ASAP2: variants seen among roughly 807,000 people sequenced by gnomAD.
ASAP2 encodes ArfGAP with SH3 domain, ankyrin repeat and PH domain 2, also known as arf-GAP with SH3 domain, ANK repeat and PH domain-containing protein 2.
In ASAP2, 45 loss-of-function variants were observed where a neutral mutation model predicts 131.4. The ratio of observed to expected loss-of-function variants is 0.34; its 90% confidence interval spans 0.27 to 0.44. The LOEUF (loss-of-function observed/expected upper bound fraction) is 0.44. Ranked by LOEUF, ASAP2 falls within the 20% of genes least tolerant of loss-of-function variation. The pLI, the probability that ASAP2 is intolerant of heterozygous loss-of-function variation, is 1.00. For missense variants in ASAP2, 1,011 were observed against 1,297.0 expected (o/e 0.78, Z 3.39); for synonymous variants, 510 against 503.0 (o/e 1.01, Z -0.19).
rs375002980 is a variant in ASAP2 at position 9,380,726 on chromosome 2, G to A, written c.1949-15G>A. The A allele has an allele frequency of 3.0e-5, 49 of 1,613,864 alleles. No individual in the cohort carries two copies. The African/African-American group carries it at 5.6e-4, about 18-fold the overall frequency. On this transcript the variant is annotated splice_polypyrimidine_tract_variant and intron_variant, in intron 19 of 27. Transcript: ENST00000281419. ...TTTTGCCTTAACGCCTCCTTTGCTCGCCCTTGAATTTTAGCAAACGAGTCA... is the reference window on the plus strand; with the variant it reads ...TTTTGCCTTAACGCCTCCTTTGCTCACCCTTGAATTTTAGCAAACGAGTCA...
At chr2:9,396,612 G>A (rs1270808227) in intron 24 of ASAP2, among the ~76,000 whole-genome samples, 1 of 152,076 alleles carries the variant, frequency 6.6e-6, no homozygotes, top group Non-Finnish European at 1.5e-5. Context: ...CCTTTTCCTT[G>A]GAAAGAAATG....
intron 20 of ASAP2, among the ~76,000 whole-genome samples, chr2:9,382,794 G>A (rs1273178238): frequency 4.6e-5 from 7 of 152,212 alleles, no homozygotes; most frequent in Non-Finnish European, 1.0e-4. Flanking sequence ...CAAAGGTGTG[G>A]GGTTCTCCCC....
intron 9 of ASAP2, 108 bp from the exon 10 acceptor site, chr2:9,344,424 G>A (rs1671811228): frequency 1.3e-6 from 1 of 794,942 alleles, no homozygotes; most frequent in Non-Finnish European, 1.9e-6. Flanking sequence ...TCCAATTTTT[G>A]TTGTTGTTAA....
At chr2:9,317,168 TCACCACACTCA>T (rs1296708226) in intron 3 of ASAP2, among the ~76,000 whole-genome samples, 1,961 of 100,686 alleles carry the variant, frequency 0.019, 33 homozygotes, top group African/African-American at 0.068. Context: ...ATCCACACTC[TCACCACACTCA>T]ACACACACCC....
chr2:9,219,757 A>G (rs1260454048), intron 1 of ASAP2, among the ~76,000 whole-genome samples: 3 of 152,230 alleles, frequency 2.0e-5, no homozygotes, highest in Admixed American at 6.5e-5. Context: ...TGTCCAACTA[A>G]GAGGTTTTTA....
Position 9,350,614 on chromosome 2 carries a change from C to T in ASAP2, c.1024-194C>T. ...AGGTGCCCTTGCAGGGAGGCAGTTG[C>T]CCTCTGTGGAGATGAAGTTCAAAGG... On this transcript the variant is annotated intron_variant, in intron 11 of 27. Coordinates refer to ENST00000281419, the MANE Select transcript of ASAP2 (RefSeq NM_003887.3). The T allele has an allele frequency of 1.9e-5, 9 of 485,342 alleles. 1 individual carries two copies. Among genetic ancestry groups the T allele is most frequent in the South Asian group, 4.2e-5 (1 of 23,538 alleles). The allele number at this position is 485,342 out of a possible 1,614,324, so 30.1% of individuals were successfully genotyped here. A position where few individuals can be genotyped will look rare whatever the true frequency, so the allele number is the denominator to read the frequency against.
intron 1 of ASAP2, among the ~76,000 whole-genome samples, chr2:9,258,987 A>G (rs2709589): frequency 0.54 from 81,731 of 151,932 alleles, 23,863 homozygotes; most frequent in African/African-American, 0.77. Flanking sequence ...GGGCCAGACC[A>G]GGACCCTGGG....
intron 1 of ASAP2, among the ~76,000 whole-genome samples, chr2:9,259,807 G>GAGAT (rs1218245740): frequency 6.6e-6 from 1 of 152,214 alleles, no homozygotes; most frequent in Non-Finnish European, 1.5e-5. Context: ...CTGCACATCT[G>GAGAT]GGGCCAGGGA....
At chr2:9,291,357 C>G (rs1667795672) in intron 2 of ASAP2, among the ~76,000 whole-genome samples, 1 of 152,344 alleles carries the variant, frequency 6.6e-6, no homozygotes, top group South Asian at 2.1e-4. Flanking sequence ...AAATGGTTCT[C>G]TCTCACGAGA....
rs1667096736 is a variant in ASAP2 at position 9,281,003 on chromosome 2, ACT to A, written c.199+1617_199+1618del. Among the ~76,000 whole-genome samples, 1 of 152,090 alleles carries A rather than the reference ACT, an allele frequency of 6.6e-6. No homozygotes were observed. Among genetic ancestry groups the A allele is most frequent in the East Asian group, 1.9e-4 (1 of 5,190 alleles). On this transcript the variant is annotated intron_variant, in intron 2 of 27. Coordinates refer to ENST00000281419, the MANE Select transcript of ASAP2 (RefSeq NM_003887.3). This position sits in a 1 kb window ranked among gnomAD's most constrained non-coding sequence, Gnocchi z 4.0. ...CAGGGTTGTGTGCAGTGAGTGGCCC[ACT>A]CTGTTTCAAAGCCACCATGCCTTCA... is the stretch of plus-strand genomic sequence containing the variant.
At chr2:9,257,872 G>T (rs1665277206) in intron 1 of ASAP2, among the ~76,000 whole-genome samples, 1 of 152,114 alleles carries the variant, frequency 6.6e-6, no homozygotes, top group East Asian at 1.9e-4. Flanking sequence ...TGGCATTTTG[G>T]TTTATCCTTA....
rs376816649 is a variant in ASAP2, at chr2:9,388,513, G to A, written c.2350G>A (p.Ala784Thr). The A allele has an allele frequency of 9.3e-6, 15 of 1,612,764 alleles. No homozygotes were observed. Among genetic ancestry groups the A allele is most frequent in the African/African-American group, 2.7e-5 (2 of 74,804 alleles). ...GCCTGCAGCCCCCAGCACCACCAGC[G>A]CCCCCCCGCTTCCTCCACGGAATGT... ...AQPAAPSTTS[A>T]PPLPPRNVGK... The change falls in exon 22 of 28, where the codon GCC (alanine) becomes ACC (threonine). Residue 784 changes from alanine (A) to threonine (T), a missense_variant. Ala to Thr is a moderately conservative substitution (Grantham distance 58). This residue lies in a region of ASAP2 where 652 missense variants were observed against 698.9 expected (regional missense o/e 0.93). Transcript: ENST00000281419.
intron 6 of ASAP2, 151 bp from the exon 7 acceptor site, chr2:9,327,675 C>T (rs1226068848): frequency 1.4e-5 from 8 of 561,320 alleles, no homozygotes; most frequent in Admixed American, 4.1e-5. Context: ...GAAACGGTTA[C>T]GGAATCCAGG....
chr2:9,295,292 T>G (rs1236552315), intron 2 of ASAP2, among the ~76,000 whole-genome samples: 2 of 152,246 alleles, frequency 1.3e-5, no homozygotes, highest in Admixed American at 1.3e-4. Flanking sequence ...CTTGGATGAA[T>G]TATTTGATCT....
intron 1 of ASAP2, among the ~76,000 whole-genome samples, chr2:9,253,041 C>T (rs1050010366): frequency 2.0e-5 from 3 of 152,222 alleles, no homozygotes; most frequent in African/African-American, 7.2e-5. Context: ...CCGTGCATCC[C>T]TAAGCCCAAG....
chr2:9,296,239 G>A (rs1217257289), intron 2 of ASAP2, among the ~76,000 whole-genome samples: 1 of 152,252 alleles, frequency 6.6e-6, no homozygotes, highest in Non-Finnish European at 1.5e-5. Flanking sequence ...TTTTATTATA[G>A]ACTGGCTGGT....
chr2:9,269,851 C>T (rs1666217134), intron 1 of ASAP2, among the ~76,000 whole-genome samples: 1 of 152,342 alleles, frequency 6.6e-6, no homozygotes, highest in South Asian at 2.1e-4. Flanking sequence ...GGTGGTCTCT[C>T]CTGTGGTGGA....
intron 16 of ASAP2, among the ~76,000 whole-genome samples, chr2:9,372,282 G>A (rs1270979928): frequency 1.3e-5 from 2 of 152,074 alleles, no homozygotes; most frequent in Non-Finnish European, 2.9e-5. Flanking sequence ...GCATCTCCCT[G>A]GGTGTCACAC....
chr2:9,339,739 T>C (rs1324963309), intron 9 of ASAP2, among the ~76,000 whole-genome samples: 1 of 152,084 alleles, frequency 6.6e-6, no homozygotes. Context: ...TTGCCCCTCT[T>C]CCTTCTTCAC....
Sources: gnomAD v4.1 joint callset for allele counts (sites outside exome capture counted in the v4.1 genomes callset) on GRCh38, gnomAD v4.1.1 for gene constraint, gnomAD v4.1.1 regional missense constraint, Gnocchi (gnomAD v3.1) non-coding constraint, MANE v1.5 for transcripts, NCBI Gene and HGNC (gene_info 2026-07-23, HGNC 2026-07-21) for gene names.